RAB7A: variants seen among roughly 807,000 people sequenced by gnomAD.
The protein encoded by RAB7A is RAB7A, member RAS oncogene family.
RAB7A carries 2 observed loss-of-function variants against 24.5 expected under a neutral mutation model. The observed-to-expected ratio is 0.08, with a 90% CI of 0.03 to 0.26. The LOEUF is 0.26. RAB7A is among the 10% of genes least tolerant of loss of function. The probability of loss-of-function intolerance (pLI) is 1.00; values close to 1 mark genes in which losing one functional copy is unlikely to be tolerated. For missense variants in RAB7A, 118 were observed against 255.7 expected (o/e 0.46, Z 3.67); for synonymous variants, 100 against 95.9 (o/e 1.04, Z -0.25).
intron 1 of RAB7A, among the ~76,000 whole-genome samples, chr3:128,779,522 A>T (rs1481624713): frequency 1.4e-5 from 2 of 141,400 alleles, no homozygotes; most frequent in Non-Finnish European, 3.0e-5. Flanking sequence ...GAGGTCCATT[A>T]CCTGATGCAT....
At chr3:128,780,982 A>G (rs1225142873) in intron 1 of RAB7A, among the ~76,000 whole-genome samples, 2 of 152,196 alleles carry the variant, frequency 1.3e-5, no homozygotes, top group South Asian at 2.1e-4. Context: ...ATCTTCCTCA[A>G]ATGACAAGGG....
chr3:128,798,101 C>G (rs1476636688), intron 3 of RAB7A, 32 bp downstream of exon 3: 1 of 1,611,512 alleles, frequency 6.2e-7, no homozygotes, highest in South Asian at 1.1e-5. Context: ...GCTGACCAGG[C>G]CTTGATAGTT....
intron 1 of RAB7A, among the ~76,000 whole-genome samples, chr3:128,772,195 A>G (rs1489278303): frequency 6.6e-6 from 1 of 152,214 alleles, no homozygotes; most frequent in Non-Finnish European, 1.5e-5. Flanking sequence ...AAGACAGTTC[A>G]TTTACTTATC....
At chr3:128,807,072 T>A (rs910647872) in intron 4 of RAB7A, among the ~76,000 whole-genome samples, 1 of 152,300 alleles carries the variant, frequency 6.6e-6, no homozygotes, top group East Asian at 1.9e-4. Context: ...TTAGTCCTTA[T>A]CTCTTGGCTG....
At chr3:128,746,794 G>T (rs1418375679) in intron 1 of RAB7A, among the ~76,000 whole-genome samples, 1 of 151,618 alleles carries the variant, frequency 6.6e-6, no homozygotes, top group East Asian at 1.9e-4. Flanking sequence ...CTCCCGAAGT[G>T]CTGGGATTAC....
intron 3 of RAB7A, chr3:128,798,821 T>TAAA (rs56925997): frequency 5.4e-4 from 82 of 150,580 alleles, no homozygotes; most frequent in African/African-American, 2.5e-3. Flanking sequence ...TCTCTAAATT[T>TAAA]AAAAAAAAAA....
rs149563047 is a variant in RAB7A at position 128,795,495 on chromosome 3, G to A, written c.53+75G>A. 3.1e-3 allele frequency: 4,236 copies of A among 1,365,360 alleles called. 78 individuals carry two copies. In the African/African-American group the frequency reaches 0.041, roughly 13 times the overall value. The allele number at this position is 1,365,360 out of a possible 1,614,324, so 84.6% of individuals were successfully genotyped here. A position where few individuals can be genotyped will look rare whatever the true frequency, so the allele number is the denominator to read the frequency against. ...CTCTGCTGTGGAGCCCACACTGTCC[G>A]TGCTGCCACTTCTTGCTTTCATAGT... On this transcript the variant is annotated intron_variant, in intron 2 of 5. Coordinates refer to ENST00000265062, the MANE Select transcript of RAB7A (RefSeq NM_004637.6).
At chr3:128,785,610 G>A (rs984040395) in intron 1 of RAB7A, among the ~76,000 whole-genome samples, 3 of 151,810 alleles carry the variant, frequency 2.0e-5, no homozygotes, top group Non-Finnish European at 4.4e-5. Flanking sequence ...AATACAAAAA[G>A]GCGTGGTGGC....
At chr3:128,783,659 A>G (rs780395174) in intron 1 of RAB7A, among the ~76,000 whole-genome samples, 4 of 152,102 alleles carry the variant, frequency 2.6e-5, no homozygotes, top group Admixed American at 6.6e-5. Context: ...CAACTGTCTC[A>G]TTGGCCTGCC....
intron 1 of RAB7A, among the ~76,000 whole-genome samples, chr3:128,757,937 T>C (rs2070743356): frequency 1.3e-5 from 2 of 151,972 alleles, no homozygotes; most frequent in African/African-American, 4.8e-5. Context: ...GGAGTTACAC[T>C]TGTGAGCCAC....
At chr3:128,808,923 G>C (rs1334015760) in intron 5 of RAB7A, among the ~76,000 whole-genome samples, 1 of 152,110 alleles carries the variant, frequency 6.6e-6, no homozygotes, top group African/African-American at 2.4e-5. Flanking sequence ...AAGTGTTCCA[G>C]AATGAAAGGG....
chr3:128,807,414 T>G, intron 4 of RAB7A, 129 bp from the exon 5 acceptor site: 1 of 1,399,110 alleles, frequency 7.1e-7, no homozygotes, highest in Admixed American at 1.7e-5. Flanking sequence ...TCCAACACCC[T>G]CTTTCCCCAT....
At chr3:128,789,156 A>G (rs1933401097) in intron 1 of RAB7A, among the ~76,000 whole-genome samples, 1 of 152,190 alleles carries the variant, frequency 6.6e-6, no homozygotes, top group Non-Finnish European at 1.5e-5. Context: ...ATTAATATAT[A>G]CATGGATTAA....
intron 5 of RAB7A, among the ~76,000 whole-genome samples, chr3:128,812,209 G>A (rs760370783): frequency 5.9e-5 from 9 of 152,178 alleles, no homozygotes; most frequent in Non-Finnish European, 1.3e-4. Context: ...TGACCTCCCG[G>A]GTTCAAGCAA....
At chr3:128,801,215 A>C (rs1202433420) in intron 3 of RAB7A, among the ~76,000 whole-genome samples, 1 of 152,176 alleles carries the variant, frequency 6.6e-6, no homozygotes, top group Non-Finnish European at 1.5e-5. Flanking sequence ...TACACTTAAA[A>C]ATTTGCATGC....
At chr3:128,764,814 C>A (rs2070812586) in intron 1 of RAB7A, 4 of 928,258 alleles carry the variant, frequency 4.3e-6, no homozygotes, top group Non-Finnish European at 7.0e-6. Context: ...TCATCAGTTT[C>A]TCGGCATGTT....
intron 1 of RAB7A, among the ~76,000 whole-genome samples, chr3:128,768,061 C>T (rs1194040772): frequency 6.6e-6 from 1 of 152,078 alleles, no homozygotes; most frequent in African/African-American, 2.4e-5. Context: ...AGTATTTCTT[C>T]GTAATTCACC....
At chr3:128,791,630 T>TG (rs1309220372) in intron 1 of RAB7A, among the ~76,000 whole-genome samples, 1 of 152,196 alleles carries the variant, frequency 6.6e-6, no homozygotes, top group Non-Finnish European at 1.5e-5. Context: ...GTCCCCTGGT[T>TG]GGTAAATTAC....
chr3:128,778,368 C>T (rs1181006616), intron 1 of RAB7A, among the ~76,000 whole-genome samples: 1 of 152,046 alleles, frequency 6.6e-6, no homozygotes, highest in Non-Finnish European at 1.5e-5. Context: ...CTAATGTCTC[C>T]CCTGCTTCAA....
Sources: gnomAD v4.1 joint callset for allele counts (sites outside exome capture counted in the v4.1 genomes callset) on GRCh38, gnomAD v4.1.1 for gene constraint, MANE v1.5 for transcripts, NCBI Gene and HGNC (gene_info 2026-07-23, HGNC 2026-07-21) for gene names.